BRINP3: variants seen among roughly 807,000 people sequenced by gnomAD.
The protein encoded by BRINP3 is BMP/retinoic acid-inducible neural-specific protein 3.
Under a neutral mutation model 71.0 loss-of-function variants are expected in BRINP3, and 19 were observed. That is an observed-to-expected ratio of 0.27 (90% CI 0.19 to 0.39). BRINP3 has a LOEUF of 0.39. BRINP3 is among the 10% of genes least tolerant of loss of function. BRINP3 has a pLI of 1.00. For missense variants in BRINP3, 959 were observed against 940.8 expected, an observed-to-expected ratio of 1.02 and a Z score of -0.25; for synonymous variants, 380 against 337.7, an observed-to-expected ratio of 1.13 and a Z score of -1.37.
At chr1:190,451,510 C>T (rs959567864) in intron 2 of BRINP3, among the ~76,000 whole-genome samples, 4 of 152,038 alleles carry the variant, frequency 2.6e-5, no homozygotes, top group Non-Finnish European at 4.4e-5. Context: ...CTGTTCTATG[C>T]GGCAGAGTAG....
At chr1:190,235,342 T>C (rs1266991018) in intron 4 of BRINP3, among the ~76,000 whole-genome samples, 1 of 152,088 alleles carries the variant, frequency 6.6e-6, no homozygotes, top group Non-Finnish European at 1.5e-5. Context: ...GCTGAAAATG[T>C]ATCCTGAAGA....
Position 190,175,087 on chromosome 1 carries a change from AAG to A in BRINP3, c.962-14199_962-14198del, listed in dbSNP as rs745844987. Among the ~76,000 whole-genome samples, 3 of 152,274 alleles carry A rather than the reference AAG, an allele frequency of 2.0e-5. No homozygotes were observed. In the South Asian group the frequency reaches 6.2e-4, roughly 32 times the overall value. On this transcript the variant is annotated intron_variant, in intron 6 of 7. Transcript: ENST00000367462. ...TTTGCAGACTCCTGGCATTGTGTAT[AAG>A]AAAAGTGTTCCAATAATAAAATCAT...
intron 2 of BRINP3, among the ~76,000 whole-genome samples, chr1:190,423,885 C>A (rs1365775478): frequency 1.3e-5 from 2 of 151,600 alleles, no homozygotes; most frequent in Non-Finnish European, 3.0e-5. Flanking sequence ...TTTTGTATCA[C>A]TGTAATCCAA....
chr1:190,437,116 C>A (rs755354815), intron 2 of BRINP3, among the ~76,000 whole-genome samples: 9 of 151,562 alleles, frequency 5.9e-5, no homozygotes, highest in Middle Eastern at 3.4e-3. Flanking sequence ...ACCATGTTTT[C>A]ATTAAAAAGT....
chr1:190,107,555 C>A (rs1454084247), intron 7 of BRINP3, among the ~76,000 whole-genome samples: 1 of 151,958 alleles, frequency 6.6e-6, no homozygotes, highest in Non-Finnish European at 1.5e-5. Flanking sequence ...ATTAAGCCCA[C>A]TATAACAATA....
At chr1:190,464,963 A>G (rs1676641871) in intron 1 of BRINP3, among the ~76,000 whole-genome samples, 1 of 151,998 alleles carries the variant, frequency 6.6e-6, no homozygotes, top group South Asian at 2.1e-4. Flanking sequence ...CTAATCTCCT[A>G]CTTCATCCTG....
intron 2 of BRINP3, among the ~76,000 whole-genome samples, chr1:190,422,726 G>A (rs1331386741): frequency 2.6e-5 from 4 of 151,850 alleles, no homozygotes; most frequent in Non-Finnish European, 5.9e-5. Context: ...ACTAGGGCAA[G>A]AAGGGAATTT....
intron 6 of BRINP3, among the ~76,000 whole-genome samples, chr1:190,181,932 G>C (rs900122317): frequency 6.6e-6 from 1 of 151,692 alleles, no homozygotes; most frequent in Non-Finnish European, 1.5e-5. Flanking sequence ...TTCCTTCATT[G>C]GAAACCTACT....
chr1:190,352,154 A>T (rs1162684296), intron 2 of BRINP3, among the ~76,000 whole-genome samples: 1 of 152,026 alleles, frequency 6.6e-6, no homozygotes, highest in African/African-American at 2.4e-5. Context: ...GAAAAAATAT[A>T]TATGTTCTGT....
intron 1 of BRINP3, among the ~76,000 whole-genome samples, chr1:190,473,303 G>A (rs1677265868): frequency 6.6e-6 from 1 of 151,924 alleles, no homozygotes; most frequent in African/African-American, 2.4e-5. Context: ...ATCCAACTAA[G>A]AAAAGCACTA....
intron 6 of BRINP3, among the ~76,000 whole-genome samples, chr1:190,173,734 A>C (rs1010395060): frequency 1.3e-5 from 2 of 152,188 alleles, no homozygotes; most frequent in African/African-American, 4.8e-5. Context: ...CATTTCATAT[A>C]AGTAACATAT....
At chr1:190,275,558 C>A (rs1662484338) in intron 3 of BRINP3, among the ~76,000 whole-genome samples, 2 of 151,542 alleles carry the variant, frequency 1.3e-5, no homozygotes, top group Admixed American at 6.6e-5. Flanking sequence ...AGTTAAATGT[C>A]TGTCTTTATC....
chr1:190,148,132 T>A (rs1241355162), intron 7 of BRINP3, among the ~76,000 whole-genome samples: 2 of 152,160 alleles, frequency 1.3e-5, no homozygotes, highest in Non-Finnish European at 2.9e-5. Flanking sequence ...CAATTCTATT[T>A]TATATATTTT....
chr1:190,277,792 C>A (rs1408611590), intron 3 of BRINP3, among the ~76,000 whole-genome samples: 2 of 151,574 alleles, frequency 1.3e-5, no homozygotes, highest in African/African-American at 4.8e-5. Context: ...GAAGTGCAGT[C>A]TTTTTCAAGA....
chr1:190,397,779 C>A (rs1232873359), intron 2 of BRINP3, among the ~76,000 whole-genome samples: 1 of 151,676 alleles, frequency 6.6e-6, no homozygotes, highest in African/African-American at 2.4e-5. Context: ...TATTAAAAAT[C>A]TCCTTACAAT....
intron 2 of BRINP3, among the ~76,000 whole-genome samples, chr1:190,398,828 C>A (rs925091147): frequency 6.6e-6 from 1 of 151,898 alleles, no homozygotes; most frequent in Non-Finnish European, 1.5e-5. Context: ...CCTTGATGTG[C>A]CTCTGCTGCC....
chr1:190,466,782 T>A (rs1676781154), intron 1 of BRINP3, among the ~76,000 whole-genome samples: 1 of 151,534 alleles, frequency 6.6e-6, no homozygotes, highest in Admixed American at 6.6e-5. Context: ...ACAAGAGAAC[T>A]TGGCATGTAG....
At chr1:190,214,600 C>A (rs6665930) in intron 6 of BRINP3, among the ~76,000 whole-genome samples, 21,439 of 151,890 alleles carry the variant, frequency 0.14, 1,998 homozygotes, top group South Asian at 0.27. Flanking sequence ...TGGCATATGT[C>A]ATTTTTCTGG....
At chr1:190,164,394 AT>A (rs1651291662) in intron 6 of BRINP3, among the ~76,000 whole-genome samples, 1 of 152,124 alleles carries the variant, frequency 6.6e-6, no homozygotes, top group Non-Finnish European at 1.5e-5. Context: ...AGCTGCTGTC[AT>A]TGGTAAGCAG....
Sources: gnomAD v4.1 joint callset for allele counts (sites outside exome capture counted in the v4.1 genomes callset) on GRCh38, gnomAD v4.1.1 for gene constraint, MANE v1.5 for transcripts, NCBI Gene and HGNC (gene_info 2026-07-23, HGNC 2026-07-21) for gene names.